The following ASCC1 variants were observed in gnomAD, a reference collection of about 807,000 sequenced individuals.
ASCC1 encodes activating signal cointegrator 1 complex subunit 1.
A neutral mutation model predicts 46.6 loss-of-function variants in ASCC1; 35 were observed. That is an observed-to-expected ratio of 0.75 (90% CI 0.57 to 0.99). ASCC1 has a LOEUF of 0.99. Ranked by LOEUF, ASCC1 falls within the 50% of genes least tolerant of loss-of-function variation. The probability of loss-of-function intolerance (pLI) is 0.00; values close to 1 mark genes in which losing one functional copy is unlikely to be tolerated. For synonymous variants in ASCC1, 143 were observed against 146.6 expected (o/e 0.98, Z 0.18); for missense variants, 376 against 428.7 (o/e 0.88, Z 1.09).
chr10:72,175,044 T>C (rs1007640177), intron 5 of ASCC1, among the ~76,000 whole-genome samples: 5 of 152,258 alleles, frequency 3.3e-5, no homozygotes, highest in South Asian at 2.1e-4. Context: ...CCAAATCTTG[T>C]AGAACTGTTT....
chr10:72,133,619 T>C (rs1845853892), intron 7 of ASCC1: 1 of 254,566 alleles, frequency 3.9e-6, no homozygotes, highest in South Asian at 4.8e-5. Flanking sequence ...TACAATACAG[T>C]TATGACAGAG....
intron 5 of ASCC1, among the ~76,000 whole-genome samples, chr10:72,195,491 T>C (rs774869761): frequency 6.6e-6 from 1 of 152,038 alleles, no homozygotes; most frequent in Non-Finnish European, 1.5e-5. Context: ...ATGTTCATGG[T>C]AGAATGATTA....
Position 72,161,598 on chromosome 10 carries a change from C to G in ASCC1, c.566G>C (p.Ser189Thr). ...HLTIGMLVLL[S>T]EEEIQQTCEM... is the part of the protein sequence containing the mutation. ...ACATGTCTGCTGGATCTCTTCCTCACTCAAAAGCACCAACATCCCAATAGT... is the reference window on the plus strand; with the variant it reads ...ACATGTCTGCTGGATCTCTTCCTCAGTCAAAAGCACCAACATCCCAATAGT... The change falls in exon 6 of 10, where the codon AGT becomes ACT. Residue 189 changes from serine to threonine, a missense_variant. By Grantham distance (58) the Ser-to-Thr change is moderately conservative. Transcript: ENST00000672957. The G allele has an allele frequency of 1.2e-6, 2 of 1,614,196 alleles. No individual in the cohort carries two copies. Among genetic ancestry groups the G allele is most frequent in the Non-Finnish European group, 1.7e-6 (2 of 1,180,044 alleles).
chr10:72,172,910 AT>A (rs1462353961), intron 5 of ASCC1, among the ~76,000 whole-genome samples: 1 of 129,138 alleles, frequency 7.7e-6, no homozygotes, highest in Non-Finnish European at 1.6e-5. Context: ...TATATATTAT[AT>A]TTTTATATTA....
chr10:72,185,894 C>G (rs1433805344), intron 5 of ASCC1, among the ~76,000 whole-genome samples: 1 of 152,010 alleles, frequency 6.6e-6, no homozygotes, highest in Admixed American at 6.6e-5. Context: ...TTCCCTTAAC[C>G]CATGTTATTC....
At position 72,193,445 on chromosome 10, in the gene ASCC1, A is replaced by AACACAC. The variant is rs57910616; in HGVS notation, c.489+3360_489+3365dup. 7.1e-3 allele frequency among the ~76,000 whole-genome samples: 1,036 copies of AACACAC among 146,488 alleles called. 11 individuals carry two copies. The highest frequency in any genetic ancestry group is 0.024 in the African/African-American group (969 of 39,812). ...AGACAAAACTACAAATAATAAACAA[A>AACACAC]ACACACACACACACACACACACACA... is the stretch of plus-strand genomic sequence containing the variant. On this transcript the variant is annotated intron_variant, in intron 5 of 9. Transcript: ENST00000672957.
At chr10:72,215,386 G>T (rs909852372) in intron 1 of ASCC1, among the ~76,000 whole-genome samples, 2 of 152,200 alleles carry the variant, frequency 1.3e-5, no homozygotes, top group Admixed American at 6.5e-5. Context: ...GCGACAGAGC[G>T]AGACTTCGTC....
chr10:72,212,778 G>A (rs903262743), intron 2 of ASCC1, among the ~76,000 whole-genome samples: 3 of 152,070 alleles, frequency 2.0e-5, no homozygotes, highest in Non-Finnish European at 4.4e-5. Flanking sequence ...AACCTGGGAG[G>A]CGGAGGCTGC....
intron 9 of ASCC1, among the ~76,000 whole-genome samples, chr10:72,122,772 C>T (rs966474454): frequency 7.9e-5 from 12 of 151,742 alleles, no homozygotes; most frequent in Non-Finnish European, 1.6e-4. Context: ...AGCGATGAGG[C>T]CCTATACCTA....
At chr10:72,125,444 C>G (rs1017850576) in intron 9 of ASCC1, among the ~76,000 whole-genome samples, 1 of 152,214 alleles carries the variant, frequency 6.6e-6, no homozygotes, top group Admixed American at 6.5e-5. Flanking sequence ...TCATATCATA[C>G]AAAAACTATA....
At chr10:72,180,032 T>C (rs1852368160) in intron 5 of ASCC1, among the ~76,000 whole-genome samples, 1 of 152,288 alleles carries the variant, frequency 6.6e-6, no homozygotes, top group African/African-American at 2.4e-5. Flanking sequence ...ATCTCGGCAT[T>C]TTAGGAGGCC....
chr10:72,099,802 AAGAG>A (rs1564566927), intron 9 of ASCC1, among the ~76,000 whole-genome samples: 3 of 152,214 alleles, frequency 2.0e-5, no homozygotes, highest in East Asian at 3.8e-4. Context: ...CCAGGGCAAC[AAGAG>A]AGAAACTCTG....
At chr10:72,151,584 T>TA (rs1848333340) in intron 7 of ASCC1, among the ~76,000 whole-genome samples, 1 of 152,088 alleles carries the variant, frequency 6.6e-6, no homozygotes, top group African/African-American at 2.4e-5. Flanking sequence ...CCCTAGAACT[T>TA]AAAGTATAAT....
rs1299181965 is a variant in ASCC1 at position 72,182,625 on chromosome 10, A to G, written c.489+14186T>C. 2.0e-5 allele frequency among the ~76,000 whole-genome samples: 3 copies of G among 152,226 alleles called. No homozygotes were observed. The East Asian group carries it at 5.8e-4, about 29-fold the overall frequency. ...ACTGTATTATTTTTCAATTAAGTCAATAATATAAAATTCAGAAAGGGTATG... is the reference window on the plus strand; with the variant it reads ...ACTGTATTATTTTTCAATTAAGTCAGTAATATAAAATTCAGAAAGGGTATG... On this transcript the variant is annotated intron_variant, in intron 5 of 9. Transcript: ENST00000672957.
chr10:72,143,494 C>T (rs762927386), intron 7 of ASCC1, among the ~76,000 whole-genome samples: 3 of 151,476 alleles, frequency 2.0e-5, no homozygotes, highest in East Asian at 1.9e-4. Context: ...CATACCACCA[C>T]GCCTCAAACT....
chr10:72,109,473 G>A (rs993524927), intron 9 of ASCC1, among the ~76,000 whole-genome samples: 1 of 152,174 alleles, frequency 6.6e-6, no homozygotes, highest in East Asian at 1.9e-4. Flanking sequence ...TGAGCAAGAG[G>A]AATGCTCAAA....
Position 72,171,431 on chromosome 10 carries a change from C to CT in ASCC1, c.490-9758dup, listed in dbSNP as rs113830754. Among the ~76,000 whole-genome samples, 69 of 148,128 alleles carry CT rather than the reference C, an allele frequency of 4.7e-4. No individual in the cohort carries two copies. The South Asian group carries it at 7.7e-3, about 17-fold the overall frequency. On this transcript the variant is annotated intron_variant, in intron 5 of 9. Coordinates refer to ENST00000672957, the MANE Select transcript of ASCC1 (RefSeq NM_001198800.3). ...CTGACTCTGACCTTCCTGATTTCCTCTTTTTTTTTTTCTCAGACGGAGTCT... is the reference window on the plus strand; with the variant it reads ...CTGACTCTGACCTTCCTGATTTCCTCTTTTTTTTTTTTCTCAGACGGAGTCT...
intron 5 of ASCC1, among the ~76,000 whole-genome samples, chr10:72,183,004 TA>T (rs150984761): frequency 0.15 from 20,274 of 135,824 alleles, 3,955 homozygotes; most frequent in African/African-American, 0.45. Flanking sequence ...TTATTTCCAA[TA>T]AAAAAAAAAG....
intron 5 of ASCC1, among the ~76,000 whole-genome samples, chr10:72,178,173 A>C (rs1004277693): frequency 2.0e-5 from 3 of 152,220 alleles, no homozygotes; most frequent in Non-Finnish European, 4.4e-5. Flanking sequence ...TGAGCATAGA[A>C]AAGTTGCCTG....
Sources: gnomAD v4.1 joint callset for allele counts (sites outside exome capture counted in the v4.1 genomes callset) on GRCh38, gnomAD v4.1.1 for gene constraint, MANE v1.5 for transcripts, NCBI Gene and HGNC (gene_info 2026-07-23, HGNC 2026-07-21) for gene names.